SPAST: variants seen among roughly 807,000 people sequenced by gnomAD.
The protein encoded by SPAST is spastic paraplegia 4 (autosomal dominant; spastin).
In SPAST, 30 loss-of-function variants were observed where a neutral mutation model predicts 76.6. That is an observed-to-expected ratio of 0.39 (90% CI 0.29 to 0.53). SPAST has a LOEUF of 0.53. SPAST is among the 20% of genes least tolerant of loss of function. The probability of loss-of-function intolerance (pLI) is 0.68; values close to 1 mark genes in which losing one functional copy is unlikely to be tolerated. For missense variants in SPAST, 717 were observed against 770.5 expected (o/e 0.93, Z 0.82); for synonymous variants, 305 against 281.0 (o/e 1.09, Z -0.86).
intron 12 of SPAST, among the ~76,000 whole-genome samples, chr2:32,137,552 G>GT (rs1156365593): frequency 6.6e-6 from 1 of 152,158 alleles, no homozygotes; most frequent in African/African-American, 2.4e-5. Context: ...TGTTTGAGCA[G>GT]TTTATTCCCT....
At position 32,106,174 on chromosome 2, in the gene SPAST, C is replaced by T. The variant is rs556861589; in HGVS notation, c.682+7283C>T. 6.0e-4 allele frequency among the ~76,000 whole-genome samples: 92 copies of T among 152,320 alleles called. 1 individual carries two copies. The highest frequency in any genetic ancestry group is 8.2e-4 in the Non-Finnish European group (56 of 68,030). On this transcript the variant is annotated intron_variant, in intron 4 of 16. Coordinates refer to ENST00000315285, the MANE Select transcript of SPAST (RefSeq NM_014946.4). ...CCTCAGCAATGGCAGATGCCCCCGC[C>T]TCCAGCCTCTTTGCCGCCTTGCAGT...
At chr2:32,065,861 C>G (rs1161914383) in intron 1 of SPAST, 2 of 151,966 alleles carry the variant, frequency 1.3e-5, no homozygotes, top group South Asian at 2.1e-4. Flanking sequence ...GGCAGTTATT[C>G]ATTGTTTTGG....
chr2:32,097,183 T>G (rs1323540796), intron 3 of SPAST, among the ~76,000 whole-genome samples: 2 of 152,206 alleles, frequency 1.3e-5, no homozygotes, highest in Admixed American at 1.3e-4. Context: ...AGCAGTAGTT[T>G]AGAGTGTCAG....
intron 4 of SPAST, among the ~76,000 whole-genome samples, chr2:32,113,560 CTTTTT>C (rs10534612): frequency 2.2e-5 from 2 of 90,906 alleles, no homozygotes; most frequent in Admixed American, 1.4e-4. Flanking sequence ...TGCTTCATAA[CTTTTT>C]TTTTTTTTTT....
At position 32,115,733 on chromosome 2, in the gene SPAST, C is replaced by A. The variant is rs758338312; in HGVS notation, c.902C>A (p.Pro301His). The change falls in exon 6 of 17, where the codon CCT becomes CAT. Residue 301 changes from proline to histidine, a missense_variant. Pro to His is a moderately conservative substitution (Grantham distance 77, BLOSUM62 -2). Coordinates refer to ENST00000315285, the MANE Select transcript of SPAST (RefSeq NM_014946.4). ...GTPKTNRTNK[P>H]STPTTATRKK... ...CCGAAAACAAATAGGACAAATAAACCTTCTACCCCTACAACTGCTACTCGT... is the reference window on the plus strand; with the variant it reads ...CCGAAAACAAATAGGACAAATAAACATTCTACCCCTACAACTGCTACTCGT... 2.5e-6 allele frequency: 4 copies of A among 1,610,892 alleles called. No individual in the cohort carries two copies. Among genetic ancestry groups the A allele is most frequent in the Non-Finnish European group, 3.4e-6 (4 of 1,177,566 alleles).
At chr2:32,095,650 G>A (rs998895555) in intron 3 of SPAST, among the ~76,000 whole-genome samples, 2 of 151,706 alleles carry the variant, frequency 1.3e-5, no homozygotes, top group Non-Finnish European at 2.9e-5. Flanking sequence ...GAGGCAGGAG[G>A]ATTGCTTGAG....
At chr2:32,151,764 G>A (rs1680092738) in intron 16 of SPAST, among the ~76,000 whole-genome samples, 1 of 152,062 alleles carries the variant, frequency 6.6e-6, no homozygotes, top group East Asian at 1.9e-4. Flanking sequence ...ACAAAAATTA[G>A]CCGGGCGTGG....
At chr2:32,073,230 G>A (rs1194879864) in intron 1 of SPAST, among the ~76,000 whole-genome samples, 1 of 152,070 alleles carries the variant, frequency 6.6e-6, no homozygotes, top group Non-Finnish European at 1.5e-5. Flanking sequence ...ATGGCGTTTC[G>A]CTGTGTTGGC....
chr2:32,112,287 C>T (rs1218090414), intron 4 of SPAST, among the ~76,000 whole-genome samples: 1 of 150,706 alleles, frequency 6.6e-6, no homozygotes, highest in Non-Finnish European at 1.5e-5. Flanking sequence ...CCCTGTTGCT[C>T]TATCAAGTAG....
intron 15 of SPAST, among the ~76,000 whole-genome samples, chr2:32,146,933 A>G (rs1192350902): frequency 6.6e-6 from 1 of 151,836 alleles, no homozygotes; most frequent in African/African-American, 2.4e-5. Flanking sequence ...GCATTTTGTA[A>G]AGAACAAGTT....
intron 3 of SPAST, among the ~76,000 whole-genome samples, chr2:32,096,880 CAA>C (rs200669185): frequency 2.3e-5 from 3 of 133,222 alleles, no homozygotes; most frequent in Admixed American, 7.6e-5. Context: ...CCTGTTAGCT[CAA>C]AAAAAAAAAA....
intron 1 of SPAST, among the ~76,000 whole-genome samples, chr2:32,083,749 A>ATATATATATATATATAT (rs1558620101): frequency 1.8e-5 from 1 of 54,296 alleles, no homozygotes; most frequent in Non-Finnish European, 3.3e-5. Context: ...ATTTATATAT[A>ATATATATATATATATAT]CTATATATAT....
intron 3 of SPAST, among the ~76,000 whole-genome samples, chr2:32,095,531 A>G (rs1281939666): frequency 1.3e-5 from 2 of 151,686 alleles, no homozygotes; most frequent in Non-Finnish European, 2.9e-5. Flanking sequence ...CAGGAGTTTG[A>G]AACCAGCCTG....
chr2:32,144,822 C>G (rs1679833457), intron 14 of SPAST, 115 bp from the exon 15 acceptor site: 4 of 702,834 alleles, frequency 5.7e-6, no homozygotes, highest in Non-Finnish European at 7.8e-6. Flanking sequence ...AGGTGGAGAT[C>G]ACAGTGAGCT....
intron 4 of SPAST, 81 bp from the exon 5 acceptor site, chr2:32,114,557 C>A: frequency 9.5e-7 from 1 of 1,050,066 alleles, no homozygotes; most frequent in Non-Finnish European, 1.5e-6. Context: ...TATATTATTA[C>A]CTTGGTTTTA....
chr2:32,141,538 T>G (rs1316259369), intron 12 of SPAST, among the ~76,000 whole-genome samples: 1 of 152,242 alleles, frequency 6.6e-6, no homozygotes, highest in African/African-American at 2.4e-5. Flanking sequence ...TGTATTTTAG[T>G]TCCATAAATG....
At chr2:32,109,939 T>TATGTATATGCATATAC (rs1678476154) in intron 4 of SPAST, among the ~76,000 whole-genome samples, 1 of 148,546 alleles carries the variant, frequency 6.7e-6, no homozygotes, top group Non-Finnish European at 1.5e-5. Flanking sequence ...TGCATATACA[T>TATGTATATGCATATAC]ATATAGTTAC....
intron 9 of SPAST, among the ~76,000 whole-genome samples, chr2:32,135,512 A>T (rs907400827): frequency 2.6e-5 from 4 of 152,090 alleles, no homozygotes; most frequent in African/African-American, 9.7e-5. Flanking sequence ...AATAAATGCC[A>T]CCTAGAGGAC....
chr2:32,087,350 T>C, intron 1 of SPAST, 142 bp from the exon 2 acceptor site: 1 of 511,354 alleles, frequency 2.0e-6, no homozygotes, highest in Non-Finnish European at 3.5e-6. Flanking sequence ...ATTACAATGA[T>C]AAAAATACTA....
Sources: gnomAD v4.1 joint callset for allele counts (sites outside exome capture counted in the v4.1 genomes callset) on GRCh38, gnomAD v4.1.1 for gene constraint, MANE v1.5 for transcripts, NCBI Gene and HGNC (gene_info 2026-07-23, HGNC 2026-07-21) for gene names.